The following CTTNBP2 variants were observed in gnomAD, a reference collection of about 807,000 sequenced individuals.
CTTNBP2 encodes cortactin-binding protein 2.
CTTNBP2 carries 108 observed loss-of-function variants against 156.9 expected under a neutral mutation model. That is an observed-to-expected ratio of 0.69 (90% CI 0.59 to 0.81). CTTNBP2 has a LOEUF of 0.81. Among genes scored for constraint, CTTNBP2 ranks in the 30% least tolerant of loss-of-function variants. The pLI is 0.00. For missense variants in CTTNBP2, 1,924 were observed against 2,035.4 expected (o/e 0.95, Z 1.05); for synonymous variants, 767 against 751.8 (o/e 1.02, Z -0.33).
intron 2 of CTTNBP2, among the ~76,000 whole-genome samples, chr7:117,831,034 T>C (rs1292777007): frequency 6.6e-6 from 1 of 152,186 alleles, no homozygotes; most frequent in Non-Finnish European, 1.5e-5. Flanking sequence ...TAACTGTGTA[T>C]GAAATATTTA....
At chr7:117,745,797 G>T (rs377495371) in intron 14 of CTTNBP2, 34 bp downstream of exon 14, 3 of 1,389,542 alleles carry the variant, frequency 2.2e-6, no homozygotes, top group Non-Finnish European at 2.0e-6. Context: ...CATGCCTTTA[G>T]GTTATCACAG....
At chr7:117,714,224 A>C (rs1274468535) in intron 22 of CTTNBP2, 4 of 152,206 alleles carry the variant, frequency 2.6e-5, no homozygotes, top group African/African-American at 9.6e-5. Flanking sequence ...ATTGCTTGTC[A>C]TGAGTTGGAT....
At chr7:117,749,886 T>C (rs1796535514) in intron 12 of CTTNBP2, among the ~76,000 whole-genome samples, 1 of 152,108 alleles carries the variant, frequency 6.6e-6, no homozygotes, top group Non-Finnish European at 1.5e-5. Flanking sequence ...GACTGAGGTT[T>C]TGTCAGTTTT....
At position 117,791,185 on chromosome 7, in the gene CTTNBP2, CG is replaced by C. The variant is rs780997476; in HGVS notation, c.2010del (p.Val671LeufsTer16). ...CCTGGTCTACAGGATGAGGCACTAA[CG>C]GGGTTTATGGAAGAGCAAAAGGCAA... ...TTIAFCSSINPVSASSCRPGA... is the reference protein window; with the variant it reads ...TTIAFCSSINXVSASSCRPGA... On this transcript the variant is annotated frameshift_variant, in exon 4 of 23. Transcript: ENST00000160373. LOFTEE classifies it high-confidence loss of function. 18 of 1,613,976 alleles carry C rather than the reference CG, an allele frequency of 1.1e-5. No individual in the cohort carries two copies. Among genetic ancestry groups the C allele is most frequent in the Non-Finnish European group, 9.3e-6 (11 of 1,180,040 alleles).
chr7:117,801,763 GA>G (rs1488991680), intron 3 of CTTNBP2, among the ~76,000 whole-genome samples: 1 of 151,834 alleles, frequency 6.6e-6, no homozygotes, highest in African/African-American at 2.4e-5. Flanking sequence ...AAAGGAGAAG[GA>G]AAAAATAAAG....
At chr7:117,724,343 A>G (rs1217759135) in intron 19 of CTTNBP2, among the ~76,000 whole-genome samples, 1 of 152,238 alleles carries the variant, frequency 6.6e-6, no homozygotes. Context: ...CTGGTTTGAA[A>G]GCGGTATTTT....
intron 18 of CTTNBP2, 25 bp from the exon 19 acceptor site, chr7:117,724,757 G>A (rs780766318): frequency 1.9e-6 from 3 of 1,609,616 alleles, no homozygotes; most frequent in East Asian, 2.2e-5. Flanking sequence ...ATCACAGCAG[G>A]GATAATGCAG....
intron 8 of CTTNBP2, among the ~76,000 whole-genome samples, chr7:117,769,029 A>G (rs1436726915): frequency 6.6e-6 from 1 of 152,148 alleles, no homozygotes; most frequent in East Asian, 1.9e-4. Flanking sequence ...CCTGTGGTGT[A>G]CACGTTTGGT....
At position 117,728,144 on chromosome 7, in the gene CTTNBP2, G is replaced by A. The variant is rs760719352; in HGVS notation, c.4000C>T (p.Pro1334Ser). Residue 1334 changes from proline to serine, a missense_variant, in exon 17 of 23, where the codon CCA (proline) becomes TCA (serine). By Grantham distance (74) the Pro-to-Ser change is moderately conservative (BLOSUM62 -1). Transcript: ENST00000160373. ...RLGTPEALLGPKYFLSCPVVP... is the reference protein window; with the variant it reads ...RLGTPEALLGSKYFLSCPVVP... Reference sequence around the variant, plus strand: ...ACAGGACAAGACAGGAAATATTTTGGTCCAAGAAGTGCTTCAGGTGTGCCC... The same window carrying A: ...ACAGGACAAGACAGGAAATATTTTGATCCAAGAAGTGCTTCAGGTGTGCCC... The A allele has an allele frequency of 3.7e-6, 6 of 1,614,186 alleles. No individual in the cohort carries two copies. In the Admixed American group the frequency reaches 6.7e-5, roughly 18 times the overall value.
At chr7:117,844,392 A>G (rs925166081) in intron 2 of CTTNBP2, among the ~76,000 whole-genome samples, 5 of 152,188 alleles carry the variant, frequency 3.3e-5, no homozygotes, top group African/African-American at 1.2e-4. Context: ...TTTAAGATAC[A>G]TCCTATTCCT....
intron 12 of CTTNBP2, among the ~76,000 whole-genome samples, chr7:117,748,873 T>G (rs1237242057): frequency 1.3e-5 from 2 of 152,162 alleles, no homozygotes; most frequent in Admixed American, 6.5e-5. Flanking sequence ...GTTGGGGTTG[T>G]TAGGAGGGAT....
intron 2 of CTTNBP2, among the ~76,000 whole-genome samples, chr7:117,820,062 C>T (rs570513722): frequency 1.3e-5 from 2 of 152,280 alleles, no homozygotes; most frequent in African/African-American, 4.8e-5. Context: ...TGCCACTTAC[C>T]ACCTTGCACA....
rs901488421 is a variant in CTTNBP2 at position 117,724,535 on chromosome 7, C to A, written c.4447+12G>T. ...CCTCCTGGTAGGCAACATGCCTACCCCCGCCCTTTACCTTCAGTGCTTAGG... is the reference window on the plus strand; with the variant it reads ...CCTCCTGGTAGGCAACATGCCTACCACCGCCCTTTACCTTCAGTGCTTAGG... On this transcript the variant is annotated intron_variant, in intron 19 of 22. Coordinates refer to ENST00000160373, the MANE Select transcript of CTTNBP2 (RefSeq NM_033427.3). 6.2e-6 allele frequency: 10 copies of A among 1,603,742 alleles called. No homozygotes were observed. The highest frequency in any genetic ancestry group is 8.5e-6 in the Non-Finnish European group (10 of 1,174,954).
At chr7:117,853,198 G>C (rs1481104385) in intron 2 of CTTNBP2, among the ~76,000 whole-genome samples, 1 of 152,142 alleles carries the variant, frequency 6.6e-6, no homozygotes, top group Non-Finnish European at 1.5e-5. Flanking sequence ...TTTGCTTAAT[G>C]CCTAACCCAC....
intron 3 of CTTNBP2, among the ~76,000 whole-genome samples, chr7:117,809,371 C>A (rs540217905): frequency 2.6e-5 from 4 of 152,144 alleles, no homozygotes; most frequent in African/African-American, 7.2e-5. Flanking sequence ...ATATAAAGTC[C>A]AGCAGAAATA....
At chr7:117,802,480 C>CA (rs1202847917) in intron 3 of CTTNBP2, among the ~76,000 whole-genome samples, 9 of 100,652 alleles carry the variant, frequency 8.9e-5, no homozygotes, top group Admixed American at 1.0e-4. Context: ...AACAAAAAAA[C>CA]AAAAAAAAAG....
chr7:117,791,267 G>T lies in CTTNBP2; in HGVS notation c.1929C>A (p.Thr643=). The T allele has an allele frequency of 1.2e-6, 2 of 1,614,164 alleles. No homozygotes were observed. Among genetic ancestry groups the T allele is most frequent in the Non-Finnish European group, 8.5e-7 (1 of 1,180,030 alleles). ...AACATGCAGGTTGGTTCAGTCCGGG[G>T]GTTGCAGCAGGCCAGGCACCCACCT... ...TSQVGAWPAA[T]PGLNQPACSD... Residue 643 remains threonine, a synonymous_variant, in exon 4 of 23, where the codon ACC becomes ACA. Coordinates refer to ENST00000160373, the MANE Select transcript of CTTNBP2 (RefSeq NM_033427.3).
rs979046903 is a variant in CTTNBP2 at position 117,719,488 on chromosome 7, CA to C, written c.4644+15del. On this transcript the variant is annotated intron_variant, in intron 21 of 22. Coordinates refer to ENST00000160373, the MANE Select transcript of CTTNBP2 (RefSeq NM_033427.3). ...TTGAGTAGAGCCATTCAATGCCCCC[CA>C]TTTGTACTGCTCACCTTGCTGATAT... 3.2e-5 allele frequency: 51 copies of C among 1,611,074 alleles called. No homozygotes were observed. Among genetic ancestry groups the C allele is most frequent in the Non-Finnish European group, 4.3e-5 (51 of 1,178,314 alleles).
intron 2 of CTTNBP2, among the ~76,000 whole-genome samples, chr7:117,819,559 T>G (rs1800832075): frequency 6.6e-6 from 1 of 152,116 alleles, no homozygotes; most frequent in Non-Finnish European, 1.5e-5. Flanking sequence ...CTTCTAGAAT[T>G]ATGACTTAAA....
Sources: gnomAD v4.1 joint callset for allele counts (sites outside exome capture counted in the v4.1 genomes callset) on GRCh38, gnomAD v4.1.1 for gene constraint, MANE v1.5 for transcripts, NCBI Gene and HGNC (gene_info 2026-07-23, HGNC 2026-07-21) for gene names.